Variants in TNRC18 observed in about 807,000 individuals in gnomAD.
The protein encoded by TNRC18 is trinucleotide repeat containing 18.
Under a neutral mutation model 226.7 loss-of-function variants are expected in TNRC18, and 69 were observed. The observed-to-expected ratio is 0.30, with a 90% confidence interval of 0.25 to 0.37. The LOEUF (loss-of-function observed/expected upper bound fraction) is 0.37. Ranked by LOEUF, TNRC18 falls within the 10% of genes least tolerant of loss-of-function variation. The pLI, the probability that TNRC18 is intolerant of heterozygous loss-of-function variation, is 1.00. For missense variants in TNRC18, 4,754 were observed against 4,256.6 expected (o/e 1.12, Z -3.25); for synonymous variants, 2,449 against 1,927.6 (o/e 1.27, Z -7.09).
chr7:5,361,327 G>C (rs997208254), intron 14 of TNRC18, among the ~76,000 whole-genome samples: 2 of 152,240 alleles, frequency 1.3e-5, no homozygotes, highest in Non-Finnish European at 2.9e-5. Flanking sequence ...GCGTGAGGAG[G>C]CAGGCGTGGC....
At chr7:5,403,784 T>C (rs1249109823) in intron 2 of TNRC18, among the ~76,000 whole-genome samples, 1 of 150,018 alleles carries the variant, frequency 6.7e-6, no homozygotes, top group Non-Finnish European at 1.5e-5. Flanking sequence ...AGTGAGACCC[T>C]GTCTGTTTAA....
chr7:5,350,677 A>G (rs1022285088), intron 17 of TNRC18, among the ~76,000 whole-genome samples: 18 of 152,344 alleles, frequency 1.2e-4, no homozygotes, highest in African/African-American at 4.3e-4. Flanking sequence ...TTTCTGGTTG[A>G]AGGGCCCAAA....
At chr7:5,337,335 G>C (rs941625440) in intron 18 of TNRC18, among the ~76,000 whole-genome samples, 47 of 151,934 alleles carry the variant, frequency 3.1e-4, no homozygotes, top group Admixed American at 5.9e-4. Flanking sequence ...AGAACACTAA[G>C]AGGCCGGGCA....
Position 5,356,932 on chromosome 7 carries a change from C to T in TNRC18, c.5178G>A (p.Val1726=). The change falls in exon 16 of 30, where the codon GTG becomes GTA. Residue 1726 remains valine (V), a synonymous_variant. Coordinates refer to ENST00000430969, the MANE Select transcript of TNRC18 (RefSeq NM_001080495.3). ...GCTACTTACTGTAAGAGTAGCTGCT[C>T]ACTTCCGAGGCAAACGGGGAATGGG... The part of the protein sequence containing the change: ...KSAHSPFASE[V]SSYSYNTDSE... The T allele has an allele frequency of 6.5e-7, 1 of 1,547,584 alleles. No homozygotes were observed. Among genetic ancestry groups the T allele is most frequent in the Non-Finnish European group, 8.7e-7 (1 of 1,144,924 alleles).
intron 18 of TNRC18, among the ~76,000 whole-genome samples, chr7:5,335,848 A>AT (rs1420901840): frequency 0.013 from 413 of 32,730 alleles, 3 homozygotes; most frequent in African/African-American, 0.025. Context: ...AAAAAAAAAA[A>AT]AAAAAAAAAA....
intron 18 of TNRC18, 45 bp downstream of exon 18, chr7:5,345,517 G>GGGGGGGGGCGCCCCCCCCCCCCCCC: frequency 2.6e-6 from 1 of 377,742 alleles, no homozygotes; most frequent in Non-Finnish European, 4.8e-6. Context: ...AATGGCGTCC[G>GGGGGGGGGCGCCCCCCCCCCCCCCC]CCCCTCCCAC....
chr7:5,374,572 C>T (rs369038108), intron 9 of TNRC18, 88 bp from the exon 10 acceptor site: 114 of 1,375,362 alleles, frequency 8.3e-5, no homozygotes, highest in South Asian at 2.0e-4. Flanking sequence ...CAAGGGTCCC[C>T]GAGTCCGAGG....
intron 29 of TNRC18, 94 bp from the exon 30 acceptor site, chr7:5,308,406 G>A (rs1287011900): frequency 1.7e-6 from 2 of 1,173,504 alleles, no homozygotes; most frequent in Admixed American, 2.4e-5. Flanking sequence ...GAAGCAGAGG[G>A]AGCCCCAGGG....
At chr7:5,314,630 T>C (rs1196239862) in intron 26 of TNRC18, among the ~76,000 whole-genome samples, 1 of 139,130 alleles carries the variant, frequency 7.2e-6, no homozygotes, top group East Asian at 2.2e-4. Flanking sequence ...TGGAGTGTAA[T>C]GGTGCGATCT....
intron 14 of TNRC18, 65 bp from the exon 15 acceptor site, chr7:5,359,634 C>T (rs1562544820): frequency 6.3e-6 from 10 of 1,595,488 alleles, no homozygotes; most frequent in Non-Finnish European, 6.8e-6. Flanking sequence ...TGAGGTCCAC[C>T]CTCATGGCCC....
At chr7:5,389,763 C>G (rs978916525) in intron 4 of TNRC18, 1 of 154,940 alleles carries the variant, frequency 6.5e-6, no homozygotes, top group Non-Finnish European at 1.4e-5. Flanking sequence ...AGTGTTTTTT[C>G]TTGGAAATTA....
chr7:5,380,808 C>T (rs1562584216), intron 5 of TNRC18, among the ~76,000 whole-genome samples: 1 of 152,278 alleles, frequency 6.6e-6, no homozygotes, highest in East Asian at 1.9e-4. Context: ...CACAGCTGTG[C>T]TGAGAAATCG....
At chr7:5,318,973 AAAG>A (rs1322378967) in intron 24 of TNRC18, among the ~76,000 whole-genome samples, 1 of 152,210 alleles carries the variant, frequency 6.6e-6, no homozygotes, top group Admixed American at 6.5e-5. Context: ...CTGAACCAAA[AAAG>A]AGAAAAACAT....
In TNRC18 at chr7:5,332,690, CGCAGCGGCTGGTCTTGGT is replaced by C; in HGVS notation, c.6061_6078del (p.Thr2021_Cys2026del). 1 of 1,530,070 alleles carries C rather than the reference CGCAGCGGCTGGTCTTGGT, an allele frequency of 6.5e-7. No individual in the cohort carries two copies. Among genetic ancestry groups the C allele is most frequent in the Non-Finnish European group, 8.8e-7 (1 of 1,141,706 alleles). The allele number at this position is 1,530,070 out of a possible 1,614,324, so 94.8% of individuals were successfully genotyped here. On this transcript the variant is annotated inframe_deletion, in exon 19 of 30. Coordinates refer to ENST00000430969, the MANE Select transcript of TNRC18 (RefSeq NM_001080495.3). ...CGCGGGCTCAGGGGGCCGCCCTTGG[CGCAGCGGCTGGTCTTGGT>C]GGCGGGCGCGGTGCTGACGGGCGCA...
chr7:5,328,819 G>A (rs1451524768), intron 19 of TNRC18, among the ~76,000 whole-genome samples: 8 of 151,586 alleles, frequency 5.3e-5, no homozygotes, highest in African/African-American at 1.2e-4. Flanking sequence ...TGAGACCACC[G>A]TCTCTTATTA....
chr7:5,357,363 T>C, intron 15 of TNRC18, 87 bp from the exon 16 acceptor site: 1 of 1,381,462 alleles, frequency 7.2e-7, no homozygotes, highest in Non-Finnish European at 9.7e-7. Context: ...CAGCCTGGGC[T>C]CCAATCCTTC....
chr7:5,337,078 A>C (rs1226218089), intron 18 of TNRC18, among the ~76,000 whole-genome samples: 1 of 152,248 alleles, frequency 6.6e-6, no homozygotes, highest in Non-Finnish European at 1.5e-5. Context: ...GCCACGAGGC[A>C]TGCCACAGTC....
chr7:5,361,433 G>A (rs972851782), intron 14 of TNRC18, among the ~76,000 whole-genome samples, 161 bp downstream of exon 14: 13 of 152,314 alleles, frequency 8.5e-5, no homozygotes, highest in East Asian at 3.9e-4. Context: ...CTCCTGGCCC[G>A]GGCAGCACAG....
At chr7:5,323,206 C>T (rs911793615) in intron 21 of TNRC18, among the ~76,000 whole-genome samples, 9 of 152,128 alleles carry the variant, frequency 5.9e-5, no homozygotes, top group Admixed American at 4.6e-4. Flanking sequence ...CTCGCTCCCC[C>T]ATCCATACCC....
Sources: gnomAD v4.1 joint callset for allele counts (sites outside exome capture counted in the v4.1 genomes callset) on GRCh38, gnomAD v4.1.1 for gene constraint, MANE v1.5 for transcripts, NCBI Gene and HGNC (gene_info 2026-07-23, HGNC 2026-07-21) for gene names.